The following FAM81A variants were observed in gnomAD, a reference collection of about 807,000 sequenced individuals.
FAM81A encodes the protein protein FAM81A.
Under a neutral mutation model 46.7 loss-of-function variants are expected in FAM81A, and 19 were observed. The ratio of observed to expected loss-of-function variants is 0.41; its 90% CI spans 0.28 to 0.60. The LOEUF (loss-of-function observed/expected upper bound fraction) is 0.60, where lower values mean the gene tolerates loss of function less well. Among genes scored for constraint, FAM81A ranks in the 20% least tolerant of loss-of-function variants. FAM81A has a pLI of 0.34. For synonymous variants in FAM81A, 183 were observed against 152.9 expected (o/e 1.20, Z -1.45); for missense variants, 377 against 453.5 (o/e 0.83, Z 1.53).
chr15:59,491,245 G>T (rs1251702708), intron 3 of FAM81A, among the ~76,000 whole-genome samples: 1 of 152,214 alleles, frequency 6.6e-6, no homozygotes, highest in Admixed American at 6.5e-5. Flanking sequence ...AAAGAATGAG[G>T]TTCTGTCATT....
intron 8 of FAM81A, among the ~76,000 whole-genome samples, chr15:59,520,795 C>T (rs532685354): frequency 6.6e-6 from 1 of 152,180 alleles, no homozygotes; most frequent in African/African-American, 2.4e-5. Flanking sequence ...AACTCCTGAC[C>T]TCAGGTGATC....
intron 2 of FAM81A, among the ~76,000 whole-genome samples, chr15:59,429,769 A>G (rs1272510334): frequency 6.6e-6 from 1 of 152,264 alleles, no homozygotes; most frequent in Non-Finnish European, 1.5e-5. Context: ...TAGTTGAATC[A>G]GTATCAATTA....
Position 59,401,986 on chromosome 15 carries a change from T to C in FAM81A, c.-160-290T>C. The C allele has an allele frequency of 7.3e-6, 5 of 683,410 alleles. No homozygotes were observed. The South Asian group carries it at 8.2e-5, about 11-fold the overall frequency. The allele number at this position is 683,410 out of a possible 1,614,324, so 42.3% of individuals were successfully genotyped here. ...CCATGGTGTTTACAGTGTAATTCAA[T>C]ATATTTGTTCTGTGGCATGTTGACG... is the stretch of plus-strand genomic sequence containing the variant. On this transcript the variant is annotated intron_variant, in intron 1 of 4. Coordinates refer to the FAM81A transcript ENST00000558348.
intron 2 of FAM81A, among the ~76,000 whole-genome samples, chr15:59,414,200 C>T (rs905870639): frequency 3.3e-5 from 5 of 152,118 alleles, no homozygotes; most frequent in Non-Finnish European, 4.4e-5. Context: ...GTGATCCGCC[C>T]GCCTTGGCCT....
intron 2 of FAM81A, among the ~76,000 whole-genome samples, chr15:59,421,784 T>C: frequency 1.3e-5 from 2 of 149,088 alleles, no homozygotes; most frequent in South Asian, 2.1e-4. Flanking sequence ...TCTATCTATC[T>C]ATCTATCTAC....
At chr15:59,490,799 A>T (rs1596523255) in intron 3 of FAM81A, among the ~76,000 whole-genome samples, 1 of 152,276 alleles carries the variant, frequency 6.6e-6, no homozygotes, top group African/African-American at 2.4e-5. Flanking sequence ...TCATGCCACT[A>T]CACTCCAGCC....
intron 3 of FAM81A, among the ~76,000 whole-genome samples, chr15:59,489,081 C>T (rs56327354): frequency 0.042 from 6,418 of 152,062 alleles, 149 homozygotes; most frequent in African/African-American, 0.054. Context: ...CTGGCTAACA[C>T]GGAGAAACCC....
At chr15:59,512,724 A>AG (rs1346377532) in intron 6 of FAM81A, among the ~76,000 whole-genome samples, 1 of 152,052 alleles carries the variant, frequency 6.6e-6, no homozygotes, top group Non-Finnish European at 1.5e-5. Flanking sequence ...AACAGTGCGG[A>AG]GATCAGTGGT....
intron 2 of FAM81A, among the ~76,000 whole-genome samples, chr15:59,426,672 G>A (rs2081196355): frequency 6.6e-6 from 1 of 152,146 alleles, no homozygotes; most frequent in Non-Finnish European, 1.5e-5. Flanking sequence ...AATCAAACTT[G>A]CTTATACTGA....
chr15:59,503,137 G>A (rs756010903), intron 4 of FAM81A, among the ~76,000 whole-genome samples: 3 of 150,948 alleles, frequency 2.0e-5, no homozygotes, highest in Non-Finnish European at 4.4e-5. Flanking sequence ...AGCCACTCAG[G>A]AGGCTGAGGC....
chr15:59,428,830 C>G (rs2081206764), intron 2 of FAM81A, among the ~76,000 whole-genome samples: 1 of 151,840 alleles, frequency 6.6e-6, no homozygotes, highest in Admixed American at 6.6e-5. Flanking sequence ...GGGGTTTTGC[C>G]ATGTTGGCCA....
At chr15:59,444,677 T>C (rs2081335993) in intron 1 of FAM81A, among the ~76,000 whole-genome samples, 2 of 152,114 alleles carry the variant, frequency 1.3e-5, no homozygotes, top group African/African-American at 4.8e-5. Context: ...TCACTGTTTC[T>C]CTCCTCCCGT....
upstream of FAM81A, among the ~76,000 whole-genome samples, chr15:59,434,564 T>C (rs1021387116): frequency 6.6e-6 from 1 of 152,256 alleles, no homozygotes; most frequent in African/African-American, 2.4e-5. Flanking sequence ...CCTTCTCATC[T>C]GTGTCTTCTC....
At chr15:59,473,893 T>C (rs1201996686) in intron 3 of FAM81A, among the ~76,000 whole-genome samples, 2 of 152,156 alleles carry the variant, frequency 1.3e-5, no homozygotes, top group African/African-American at 4.8e-5. Flanking sequence ...CCCAGGCTGG[T>C]CTTGAACTCC....
intron 8 of FAM81A, among the ~76,000 whole-genome samples, chr15:59,520,587 C>CG (rs1160432954): frequency 7.5e-6 from 1 of 133,966 alleles, no homozygotes; most frequent in Admixed American, 8.2e-5. Flanking sequence ...TTTTTTGAGA[C>CG]GAGTCTTGCT....
intron 8 of FAM81A, among the ~76,000 whole-genome samples, chr15:59,520,239 A>G (rs936598681): frequency 6.6e-6 from 1 of 152,082 alleles, no homozygotes; most frequent in Non-Finnish European, 1.5e-5. Flanking sequence ...TGGCTGCCCC[A>G]TCCTGCATTC....
rs1235439009 is a variant in FAM81A, at chr15:59,460,131, C to T, written c.219C>T (p.Arg73=). 1.9e-6 allele frequency: 3 copies of T among 1,614,000 alleles called. No homozygotes were observed. Among genetic ancestry groups the T allele is most frequent in the Non-Finnish European group, 2.5e-6 (3 of 1,179,898 alleles). Residue 73 remains arginine (R), a synonymous_variant, in exon 3 of 9, where the codon CGC becomes CGT. Coordinates refer to ENST00000288228, the MANE Select transcript of FAM81A (RefSeq NM_152450.3). This position sits in a 1 kb window ranked among gnomAD's most constrained non-coding sequence, Gnocchi z 4.4. ...TGCAAAACAAAGGGGGAGGTGACCG[C>T]TTGGCCAGGCTTTTCTTGGAGGAGC... is the stretch of plus-strand genomic sequence containing the variant. The part of the protein sequence containing the change: ...QKMQNKGGGD[R]LARLFLEEHI...
intron 1 of FAM81A, among the ~76,000 whole-genome samples, chr15:59,400,179 C>T (rs766331228): frequency 1.3e-5 from 2 of 152,024 alleles, no homozygotes; most frequent in East Asian, 1.9e-4. Context: ...CATGCTCTTG[C>T]CCCCCAATTC....
chr15:59,479,358 A>C (rs1449906086), intron 3 of FAM81A, among the ~76,000 whole-genome samples: 1 of 151,752 alleles, frequency 6.6e-6, no homozygotes, highest in Non-Finnish European at 1.5e-5. Flanking sequence ...TAAAAATACA[A>C]AAATTAGCCG....
Sources: gnomAD v4.1 joint callset for allele counts (sites outside exome capture counted in the v4.1 genomes callset) on GRCh38, gnomAD v4.1.1 for gene constraint, Gnocchi (gnomAD v3.1) non-coding constraint, MANE v1.5 for transcripts, NCBI Gene and HGNC (gene_info 2026-07-23, HGNC 2026-07-21) for gene names.